The following ZNG1E variants were observed in gnomAD, a reference collection of about 807,000 sequenced individuals.
The protein encoded by ZNG1E is zinc-regulated GTPase metalloprotein activator 1E.
the ZNG1E span, among the ~76,000 whole-genome samples, chr9:65,665,140 G>A: frequency 2.0e-5 from 3 of 152,280 alleles, no homozygotes; most frequent in Non-Finnish European, 4.4e-5. Flanking sequence ...GCAGAAATTT[G>A]CATAAGTAAC....
chr9:65,659,143 T>A, the ZNG1E span, among the ~76,000 whole-genome samples: 16 of 152,306 alleles, frequency 1.1e-4, no homozygotes, highest in South Asian at 3.3e-3. Context: ...TAAACTGGTT[T>A]CTCACCAGCA....
At chr9:65,659,323 T>C in the ZNG1E span, among the ~76,000 whole-genome samples, 9 of 149,028 alleles carry the variant, frequency 6.0e-5, no homozygotes, top group African/African-American at 1.5e-4. Context: ...GGTGAAACGC[T>C]GTCTCTACTA....
chr9:65,681,355 G>A, the ZNG1E span, among the ~76,000 whole-genome samples: 7 of 152,362 alleles, frequency 4.6e-5, no homozygotes, highest in Middle Eastern at 3.4e-3. Context: ...TATCAGTTTA[G>A]GATGTGTCTT....
At chr9:65,680,685 G>A in the ZNG1E span, among the ~76,000 whole-genome samples, 1 of 152,268 alleles carries the variant, frequency 6.6e-6, no homozygotes, top group African/African-American at 2.4e-5. Context: ...TAGAGGAAAA[G>A]TAAAACATTT....
At chr9:65,671,583 G>T in the ZNG1E span, among the ~76,000 whole-genome samples, 4 of 152,228 alleles carry the variant, frequency 2.6e-5, no homozygotes, top group Non-Finnish European at 5.9e-5. Context: ...GCTTTCCAAA[G>T]TGCTGGGATT....
chr9:65,662,899 G>C, the ZNG1E span, among the ~76,000 whole-genome samples: 2 of 151,894 alleles, frequency 1.3e-5, no homozygotes, highest in Non-Finnish European at 2.9e-5. Flanking sequence ...TATAGGTCAC[G>C]ATGTTATTTG....
At chr9:65,683,879 G>A in the ZNG1E span, among the ~76,000 whole-genome samples, 1 of 152,276 alleles carries the variant, frequency 6.6e-6, no homozygotes, top group Non-Finnish European at 1.5e-5. Context: ...TAATATGTTG[G>A]CGTTAAATAT....
chr9:65,709,364 T>G, the ZNG1E span, among the ~76,000 whole-genome samples: 1 of 151,050 alleles, frequency 6.6e-6, no homozygotes, highest in East Asian at 1.9e-4. Flanking sequence ...TATTTATTAT[T>G]ATTATACTTT....
the ZNG1E span, chr9:65,704,885 T>G: frequency 1.2e-5 from 1 of 82,218 alleles, no homozygotes. Context: ...CACTCCAGCC[T>G]GGGTGACAGA....
At chr9:65,687,434 C>G in the ZNG1E span, among the ~76,000 whole-genome samples, 2 of 151,986 alleles carry the variant, frequency 1.3e-5, no homozygotes, top group African/African-American at 4.8e-5. Flanking sequence ...AAATATTTGT[C>G]TTTTGTTTTT....
At chr9:65,684,564 A>G in the ZNG1E span, among the ~76,000 whole-genome samples, 21 of 150,944 alleles carry the variant, frequency 1.4e-4, no homozygotes, top group African/African-American at 4.9e-4. Flanking sequence ...ACACACACAC[A>G]CACACATTCA....
chr9:65,688,037 C>T, the ZNG1E span, among the ~76,000 whole-genome samples: 4,097 of 131,534 alleles, frequency 0.031, 52 homozygotes, highest in African/African-American at 0.11. Flanking sequence ...TTTTGTTCTT[C>T]GTATGTATTC....
At chr9:65,680,301 G>T in the ZNG1E span, among the ~76,000 whole-genome samples, 1 of 152,256 alleles carries the variant, frequency 6.6e-6, no homozygotes, top group Non-Finnish European at 1.5e-5. Context: ...AGTTATATTC[G>T]ATTTCTGGTT....
chr9:65,727,132 G>A, the ZNG1E span, among the ~76,000 whole-genome samples: 2,553 of 134,020 alleles, frequency 0.019, 2 homozygotes, highest in African/African-American at 0.072. Flanking sequence ...TTTGTATTCA[G>A]CAAAACTAAG....
At chr9:65,668,602 C>T in the ZNG1E span, among the ~76,000 whole-genome samples, 1 of 146,178 alleles carries the variant, frequency 6.8e-6, no homozygotes, top group Non-Finnish European at 1.5e-5. Context: ...GTGATCATAG[C>T]TCACTGTAAC....
At chr9:65,709,225 T>G in the ZNG1E span, among the ~76,000 whole-genome samples, 1 of 146,226 alleles carries the variant, frequency 6.8e-6, no homozygotes, top group South Asian at 2.1e-4. Flanking sequence ...ACACTATGTC[T>G]AATACTCTTT....
chr9:65,664,436 C>T, the ZNG1E span, among the ~76,000 whole-genome samples: 3 of 117,190 alleles, frequency 2.6e-5, 1 homozygote, highest in South Asian at 9.2e-4. Flanking sequence ...AGTTTCCCTG[C>T]ATAATCTCTC....
chr9:65,665,111 GGA>G, the ZNG1E span, among the ~76,000 whole-genome samples: 1 of 152,270 alleles, frequency 6.6e-6, no homozygotes, highest in Non-Finnish European at 1.5e-5. Context: ...CATTTTCTGA[GGA>G]GAAATTCAAG....
At chr9:65,724,981 CAG>C in the ZNG1E span, among the ~76,000 whole-genome samples, 2 of 128,762 alleles carry the variant, frequency 1.6e-5, no homozygotes, top group Non-Finnish European at 3.2e-5. Flanking sequence ...CACTGCATAA[CAG>C]CGTTTTAGTC....
Sources: allele counts gnomAD v4.1 joint callset (sites outside exome capture counted in the v4.1 genomes callset), GRCh38; gene constraint gnomAD v4.1.1; transcripts MANE v1.5; gene names NCBI Gene and HGNC (gene_info 2026-07-23, HGNC 2026-07-21).